CTNNA2: variants seen among roughly 807,000 people sequenced by gnomAD.
CTNNA2 encodes catenin alpha 2.
A neutral mutation model predicts 101.0 loss-of-function variants in CTNNA2; 42 were observed. That is an observed-to-expected ratio of 0.42 (90% CI 0.32 to 0.54). The LOEUF is 0.54. CTNNA2 is among the 20% of genes least tolerant of loss of function. The pLI is 0.14. For missense variants in CTNNA2, 871 were observed against 1,223.1 expected (o/e 0.71, Z 4.29); for synonymous variants, 450 against 456.4 (o/e 0.99, Z 0.18).
intron 4 of CTNNA2, among the ~76,000 whole-genome samples, chr2:79,405,490 T>C (rs1678331744): frequency 1.3e-5 from 2 of 152,068 alleles, no homozygotes; most frequent in South Asian, 4.1e-4. Context: ...CACACCCAGC[T>C]AATTTTTGTA....
chr2:79,662,592 G>A (rs909102283), intron 2 of CTNNA2, among the ~76,000 whole-genome samples: 4 of 152,042 alleles, frequency 2.6e-5, no homozygotes, highest in East Asian at 1.9e-4. Flanking sequence ...AAATGCCTAC[G>A]AAGTGACAGA....
chr2:80,008,385 G>A (rs1693528097), intron 7 of CTNNA2, among the ~76,000 whole-genome samples: 1 of 152,178 alleles, frequency 6.6e-6, no homozygotes, highest in Admixed American at 6.5e-5. Flanking sequence ...GCATGAACCA[G>A]CTCTTTGGAA....
chr2:80,127,713 G>A (rs1558834080), intron 7 of CTNNA2, among the ~76,000 whole-genome samples: 1 of 152,162 alleles, frequency 6.6e-6, no homozygotes, highest in Non-Finnish European at 1.5e-5. Flanking sequence ...TTGAAAAGGA[G>A]ATTGCACCTG....
intron 1 of CTNNA2, among the ~76,000 whole-genome samples, chr2:79,586,127 A>T (rs1676470541): frequency 6.6e-6 from 1 of 151,046 alleles, no homozygotes; most frequent in South Asian, 2.1e-4. Context: ...GGCATCCTGT[A>T]CTCCTCCTTT....
chr2:80,608,484 C>G, intron 17 of CTNNA2, 166 bp downstream of exon 17: 1 of 577,708 alleles, frequency 1.7e-6, no homozygotes, highest in Non-Finnish European at 2.7e-6. Context: ...CAATAACTCA[C>G]AAAGAGCAAT....
chr2:79,782,067 G>C (rs1558924696), intron 3 of CTNNA2, among the ~76,000 whole-genome samples: 1 of 152,120 alleles, frequency 6.6e-6, no homozygotes, highest in Non-Finnish European at 1.5e-5. Context: ...TGCTTGAAGT[G>C]AAATAATATT....
At chr2:79,622,973 A>G (rs1225635325) in intron 1 of CTNNA2, among the ~76,000 whole-genome samples, 3 of 152,240 alleles carry the variant, frequency 2.0e-5, no homozygotes, top group East Asian at 3.8e-4. Flanking sequence ...TACAAGTTCT[A>G]TAACTCACCA....
At chr2:79,612,101 C>A (rs1335820494) in intron 1 of CTNNA2, among the ~76,000 whole-genome samples, 3 of 152,136 alleles carry the variant, frequency 2.0e-5, no homozygotes, top group Non-Finnish European at 2.9e-5. Flanking sequence ...ATGTTGTGAG[C>A]TTAGCAACTG....
intron 6 of CTNNA2, among the ~76,000 whole-genome samples, chr2:79,892,563 G>A (rs1684385510): frequency 6.6e-6 from 1 of 152,098 alleles, no homozygotes; most frequent in African/African-American, 2.4e-5. Context: ...TTAGGTCAGT[G>A]TAAATAATAA....
intron 7 of CTNNA2, among the ~76,000 whole-genome samples, chr2:80,081,785 T>TCTC (rs1558790224): frequency 1.3e-5 from 2 of 150,466 alleles, no homozygotes; most frequent in Non-Finnish European, 3.0e-5. Flanking sequence ...GTGTCTGTGT[T>TCTC]TCTCTCTCTC....
At chr2:79,292,818 C>G (rs561056851) in intron 2 of CTNNA2, among the ~76,000 whole-genome samples, 3 of 152,200 alleles carry the variant, frequency 2.0e-5, no homozygotes, top group Admixed American at 6.5e-5. Context: ...AATCCTTCTC[C>G]TTAGTTCTTT....
At chr2:79,461,271 C>T (rs932515207) in intron 4 of CTNNA2, among the ~76,000 whole-genome samples, 1 of 152,178 alleles carries the variant, frequency 6.6e-6, no homozygotes, top group Non-Finnish European at 1.5e-5. Flanking sequence ...TGTGCTTGTT[C>T]TAAACTCCAA....
chr2:79,216,961 G>A (rs963860449), intron 2 of CTNNA2, among the ~76,000 whole-genome samples: 3 of 152,170 alleles, frequency 2.0e-5, no homozygotes, highest in African/African-American at 7.2e-5. Context: ...ACCAAGGGAA[G>A]GCTGCCTTCC....
chr2:79,560,034 T>C (rs1220585556), intron 1 of CTNNA2, among the ~76,000 whole-genome samples: 1 of 151,870 alleles, frequency 6.6e-6, no homozygotes, highest in Non-Finnish European at 1.5e-5. Context: ...CCTGACTCAC[T>C]TCTCCAAGAA....
chr2:79,312,497 A>G (rs911872667), intron 2 of CTNNA2, among the ~76,000 whole-genome samples: 1 of 152,216 alleles, frequency 6.6e-6, no homozygotes, highest in Non-Finnish European at 1.5e-5. Flanking sequence ...GTCAGAAATT[A>G]TGACAGGCAC....
At chr2:80,447,260 A>G (rs1166169780) in intron 9 of CTNNA2, among the ~76,000 whole-genome samples, 3 of 152,174 alleles carry the variant, frequency 2.0e-5, no homozygotes, top group Non-Finnish European at 4.4e-5. Context: ...AATGCCTTCA[A>G]TCTATTACTT....
At chr2:80,445,246 A>G (rs1026288545) in intron 9 of CTNNA2, among the ~76,000 whole-genome samples, 4 of 151,936 alleles carry the variant, frequency 2.6e-5, no homozygotes, top group African/African-American at 9.7e-5. Context: ...CAGTGGCCCA[A>G]TCATAGCTCA....
At chr2:80,310,474 C>A (rs1342387179) in intron 7 of CTNNA2, among the ~76,000 whole-genome samples, 1 of 152,110 alleles carries the variant, frequency 6.6e-6, no homozygotes, top group Non-Finnish European at 1.5e-5. Context: ...CCAAGGCAGG[C>A]AGAGTTGCAT....
chr2:79,874,892 C>G (rs1366276656), intron 6 of CTNNA2, among the ~76,000 whole-genome samples: 1 of 152,172 alleles, frequency 6.6e-6, no homozygotes, highest in Non-Finnish European at 1.5e-5. Context: ...ATTTTAGGGA[C>G]AGTTCATAAT....
Sources: gnomAD v4.1 joint callset for allele counts (sites outside exome capture counted in the v4.1 genomes callset) on GRCh38, gnomAD v4.1.1 for gene constraint, MANE v1.5 for transcripts, NCBI Gene and HGNC (gene_info 2026-07-23, HGNC 2026-07-21) for gene names.